WDR64: variants seen among roughly 807,000 people sequenced by gnomAD.
The protein encoded by WDR64 is WD repeat domain 64.
Under a neutral mutation model 139.3 loss-of-function variants are expected in WDR64, and 112 were observed. The ratio of observed to expected loss-of-function variants is 0.80; its 90% CI spans 0.69 to 0.94. The LOEUF is 0.94. Ranked by LOEUF, WDR64 falls within the 40% of genes least tolerant of loss-of-function variation. The pLI, the probability that WDR64 is intolerant of heterozygous loss-of-function variation, is 0.00. For synonymous variants in WDR64, 444 were observed against 437.7 expected, an observed-to-expected ratio of 1.01 and a Z score of -0.18; for missense variants, 1,206 against 1,293.1, an observed-to-expected ratio of 0.93 and a Z score of 1.03.
intron 8 of WDR64, among the ~76,000 whole-genome samples, chr1:241,704,131 G>C (rs951633920): frequency 6.6e-6 from 1 of 152,140 alleles, no homozygotes; most frequent in Non-Finnish European, 1.5e-5. Flanking sequence ...TGTGAGTCTG[G>C]TGCCACTCTG....
chr1:241,775,301 T>C, intron 21 of WDR64, 91 bp downstream of exon 21: 2 of 984,008 alleles, frequency 2.0e-6, no homozygotes, highest in Non-Finnish European at 3.0e-6. Context: ...TGGTATATGG[T>C]GAAACAAAAG....
chr1:241,658,957 T>C (rs1665720885), intron 1 of WDR64, among the ~76,000 whole-genome samples: 2 of 151,786 alleles, frequency 1.3e-5, no homozygotes, highest in African/African-American at 2.4e-5. Flanking sequence ...GTCTGTTACA[T>C]AGGTAAACAT....
At chr1:241,699,883 A>G (rs1056706490) in intron 8 of WDR64, among the ~76,000 whole-genome samples, 1 of 152,128 alleles carries the variant, frequency 6.6e-6, no homozygotes, top group Non-Finnish European at 1.5e-5. Context: ...TTTTAACCTG[A>G]AAGCTATCGG....
Position 241,738,457 on chromosome 1 carries a change from T to TA in WDR64, c.1290dup (p.Tyr431IlefsTer2). 2 of 1,613,500 alleles carry TA rather than the reference T, an allele frequency of 1.2e-6. No homozygotes were observed. On this transcript the variant is annotated frameshift_variant, in exon 11 of 28. Transcript: ENST00000437684. LOFTEE classifies it high-confidence loss of function. Reference sequence around the variant, plus strand: ...GGAGACATGCAGATTTACTCTATGATATATGATGCCAATCATGGCATGCTT... The same window carrying TA: ...GGAGACATGCAGATTTACTCTATGATAATATGATGCCAATCATGGCATGCTT...
At chr1:241,766,845 T>A (rs931191257) in intron 16 of WDR64, among the ~76,000 whole-genome samples, 2 of 152,160 alleles carry the variant, frequency 1.3e-5, no homozygotes, top group African/African-American at 2.4e-5. Flanking sequence ...ATAAGTAAGG[T>A]GAACTGTAAG....
At chr1:241,747,430 G>C (rs940441407) in intron 13 of WDR64, among the ~76,000 whole-genome samples, 1 of 152,186 alleles carries the variant, frequency 6.6e-6, no homozygotes, top group East Asian at 1.9e-4. Flanking sequence ...AGGTACACAG[G>C]ACTCTACTAT....
Position 241,757,309 on chromosome 1 carries a change from G to A in WDR64, c.1797G>A (p.Met599Ile), listed in dbSNP as rs760119660. The A allele has an allele frequency of 3.7e-6, 6 of 1,613,828 alleles. No individual in the cohort carries two copies. Among genetic ancestry groups the A allele is most frequent in the Admixed American group, 1.7e-5 (1 of 59,972 alleles). The part of the protein sequence containing the change: ...IQGKEDDIYL[M>I]VIWELPDVVP... ...GTAAGGAAGATGATATCTACCTCAT[G>A]GTGATCTGGGAGCTGCCTGATGTTG... Residue 599 changes from methionine to isoleucine, a missense_variant, in exon 15 of 28, where the codon ATG becomes ATA. Met to Ile is a conservative substitution (Grantham distance 10). Transcript: ENST00000437684.
At chr1:241,773,103 G>A (rs558426423) in intron 20 of WDR64, among the ~76,000 whole-genome samples, 172 bp downstream of exon 20, 4 of 152,274 alleles carry the variant, frequency 2.6e-5, no homozygotes, top group Admixed American at 6.5e-5. Flanking sequence ...CAAACTTTAC[G>A]AGAGAAGGGT....
At chr1:241,697,248 T>C in intron 8 of WDR64, among the ~76,000 whole-genome samples, 1 of 152,172 alleles carries the variant, frequency 6.6e-6, no homozygotes, top group African/African-American at 2.4e-5. Flanking sequence ...TGATATCCTG[T>C]CCTCCTACAT....
chr1:241,712,232 G>C (rs970960567), intron 9 of WDR64, among the ~76,000 whole-genome samples: 1 of 151,942 alleles, frequency 6.6e-6, no homozygotes, highest in Non-Finnish European at 1.5e-5. Context: ...ATGTGTGTGC[G>C]TGTGCCTTTT....
intron 10 of WDR64, among the ~76,000 whole-genome samples, chr1:241,727,667 G>A (rs758080101): frequency 2.0e-5 from 3 of 152,164 alleles, no homozygotes; most frequent in Admixed American, 6.5e-5. Flanking sequence ...TGAGAAAGTT[G>A]ACATGCTAGG....
At chr1:241,724,434 G>C (rs1668723906) in intron 10 of WDR64, among the ~76,000 whole-genome samples, 1 of 152,108 alleles carries the variant, frequency 6.6e-6, no homozygotes, top group Non-Finnish European at 1.5e-5. Flanking sequence ...TGAAGCAAAG[G>C]AGAAAATGCA....
intron 8 of WDR64, among the ~76,000 whole-genome samples, chr1:241,707,331 A>T (rs946249088): frequency 2.6e-5 from 4 of 152,086 alleles, no homozygotes; most frequent in African/African-American, 9.7e-5. Context: ...CAACTTTCCT[A>T]CCTTGAGTAT....
intron 24 of WDR64, among the ~76,000 whole-genome samples, chr1:241,788,332 A>G (rs1659114811): frequency 6.6e-6 from 1 of 152,240 alleles, no homozygotes. Context: ...GGGAGGAAGG[A>G]TAGAGTACAG....
chr1:241,779,311 A>G (rs1010681406), intron 21 of WDR64, among the ~76,000 whole-genome samples: 2 of 151,890 alleles, frequency 1.3e-5, no homozygotes, highest in African/African-American at 4.8e-5. Flanking sequence ...GTTTTCCTGC[A>G]GTTTAAATAG....
rs751156360 is a variant in WDR64, at chr1:241,770,641, T to C, written c.2204T>C (p.Ile735Thr). 7 of 1,551,438 alleles carry C rather than the reference T, an allele frequency of 4.5e-6. No homozygotes were observed. Among genetic ancestry groups the C allele is most frequent in the Non-Finnish European group, 6.1e-6 (7 of 1,146,846 alleles). Reference sequence around the variant, plus strand: ...TATAGGAGATCAAGTCAGGATTCCATATGTTCTTCATCCCAGTGTGAATCC... The same window carrying C: ...TATAGGAGATCAAGTCAGGATTCCACATGTTCTTCATCCCAGTGTGAATCC... ...ECARRSSQDS[I>T]CSSSQCESSK... is the part of the protein sequence containing the mutation. The change falls in exon 18 of 28, where the codon ATA (isoleucine) becomes ACA (threonine). Residue 735 changes from isoleucine to threonine, a missense_variant. Coordinates refer to ENST00000437684, the MANE Select transcript of WDR64 (RefSeq NM_001367482.1).
intron 4 of WDR64, among the ~76,000 whole-genome samples, chr1:241,675,257 TCCC>T (rs1666503342): frequency 1.1e-5 from 1 of 93,348 alleles, no homozygotes; most frequent in Non-Finnish European, 2.2e-5. Flanking sequence ...CCTTCCTTCC[TCCC>T]TCCCTTCCTC....
intron 10 of WDR64, among the ~76,000 whole-genome samples, chr1:241,728,823 CTT>C (rs66478639): frequency 3.8e-4 from 56 of 148,714 alleles, no homozygotes; most frequent in Non-Finnish European, 4.3e-4. Flanking sequence ...TTCTCTTCTT[CTT>C]TTTTTTTTTC....
chr1:241,682,778 C>G (rs1399473282), intron 6 of WDR64, among the ~76,000 whole-genome samples: 1 of 152,174 alleles, frequency 6.6e-6, no homozygotes, highest in Non-Finnish European at 1.5e-5. Context: ...CCTGATGTGG[C>G]CTTTTCAGTC....
Sources: gnomAD v4.1 joint callset for allele counts (sites outside exome capture counted in the v4.1 genomes callset) on GRCh38, gnomAD v4.1.1 for gene constraint, MANE v1.5 for transcripts, NCBI Gene and HGNC (gene_info 2026-07-23, HGNC 2026-07-21) for gene names.